Variants in MIS18A observed in about 807,000 individuals in gnomAD.
MIS18A encodes protein Mis18-alpha.
MIS18A carries 14 observed loss-of-function variants against 25.0 expected under a neutral mutation model. The ratio of observed to expected loss-of-function variants is 0.56; its 90% CI spans 0.37 to 0.88. The LOEUF is 0.88. MIS18A is among the 40% of genes least tolerant of loss of function. The probability of loss-of-function intolerance (pLI) is 0.00; values close to 1 mark genes in which losing one functional copy is unlikely to be tolerated. For missense variants in MIS18A, 292 were observed against 290.8 expected (o/e 1.00, Z -0.03); for synonymous variants, 134 against 118.6 (o/e 1.13, Z -0.84).
the MIS18A span, among the ~76,000 whole-genome samples, chr21:32,209,155 G>GAA: frequency 0.11 from 16,268 of 148,160 alleles, 988 homozygotes; most frequent in Middle Eastern, 0.18. Flanking sequence ...AATAAATTCT[G>GAA]AAAAAAAAAA....
the MIS18A span, among the ~76,000 whole-genome samples, chr21:32,246,369 G>C: frequency 3.9e-5 from 6 of 152,042 alleles, no homozygotes; most frequent in Admixed American, 3.9e-4. Context: ...CCTTCGGTAC[G>C]CCCCTTCTTC....
the MIS18A span, among the ~76,000 whole-genome samples, chr21:32,232,931 A>G: frequency 6.6e-6 from 1 of 152,218 alleles, no homozygotes; most frequent in African/African-American, 2.4e-5. Flanking sequence ...TAGAGTGAGC[A>G]GAGATGGAGA....
At chr21:32,237,709 AT>A in the MIS18A span, among the ~76,000 whole-genome samples, 1 of 152,196 alleles carries the variant, frequency 6.6e-6, no homozygotes, top group Non-Finnish European at 1.5e-5. Context: ...TGAGTTTAGC[AT>A]TTTACAAATT....
chr21:32,195,121 G>A, the MIS18A span, among the ~76,000 whole-genome samples: 132 of 152,186 alleles, frequency 8.7e-4, no homozygotes, highest in African/African-American at 3.0e-3. Context: ...CCAATTCTAC[G>A]AAAAGACAGT....
intron 1 of MIS18A, chr21:32,278,478 G>A: frequency 1.7e-6 from 1 of 580,746 alleles, no homozygotes; most frequent in Non-Finnish European, 3.0e-6. Flanking sequence ...GGGGACCCCA[G>A]AAAAGAACCC....
At chr21:32,201,825 A>G in the MIS18A span, among the ~76,000 whole-genome samples, 1 of 152,104 alleles carries the variant, frequency 6.6e-6, no homozygotes, top group African/African-American at 2.4e-5. Flanking sequence ...AAATAAATAA[A>G]TAAAATTTAA....
intron 2 of MIS18A, among the ~76,000 whole-genome samples, chr21:32,274,197 CTTTTTTTTTTTTTT>C (rs1184186125): frequency 1.4e-5 from 1 of 72,768 alleles, no homozygotes; most frequent in African/African-American, 6.1e-5. Context: ...TCCTTTTCTT[CTTTTTTTTTTTTTT>C]TTTTTTTTTT....
At chr21:32,202,436 AG>A in the MIS18A span, among the ~76,000 whole-genome samples, 3 of 152,258 alleles carry the variant, frequency 2.0e-5, no homozygotes, top group Non-Finnish European at 4.4e-5. Flanking sequence ...TAAAACAATT[AG>A]AAAATAGCAA....
chr21:32,221,210 A>T, the MIS18A span, among the ~76,000 whole-genome samples: 2 of 152,016 alleles, frequency 1.3e-5, no homozygotes, highest in Admixed American at 1.3e-4. Context: ...TGAGGAAAAA[A>T]TGTTAAGGGC....
the MIS18A span, among the ~76,000 whole-genome samples, chr21:32,167,673 T>C: frequency 1.3e-5 from 2 of 152,274 alleles, no homozygotes; most frequent in South Asian, 4.1e-4. Context: ...TAACAATATA[T>C]GCAGAAATAA....
the MIS18A span, among the ~76,000 whole-genome samples, chr21:32,245,802 C>T: frequency 6.6e-6 from 1 of 152,212 alleles, no homozygotes; most frequent in African/African-American, 2.4e-5. Context: ...GACATCCATT[C>T]ACCTGACACT....
chr21:32,204,206 A>G, the MIS18A span, among the ~76,000 whole-genome samples: 6 of 152,124 alleles, frequency 3.9e-5, no homozygotes, highest in Non-Finnish European at 8.8e-5. Context: ...GAAGCAAATG[A>G]AAAAAAGGAA....
downstream of MIS18A, among the ~76,000 whole-genome samples, chr21:32,264,148 A>G (rs1047058336): frequency 6.6e-6 from 1 of 152,228 alleles, no homozygotes; most frequent in African/African-American, 2.4e-5. Context: ...ATTCGATTAT[A>G]TAGAAATATT....
At chr21:32,214,528 T>C in the MIS18A span, among the ~76,000 whole-genome samples, 1 of 152,198 alleles carries the variant, frequency 6.6e-6, no homozygotes, top group Non-Finnish European at 1.5e-5. Context: ...TTAAAAGCTT[T>C]TTGTCTTCTT....
At chr21:32,178,798 C>T in the MIS18A span, among the ~76,000 whole-genome samples, 19 of 152,266 alleles carry the variant, frequency 1.2e-4, no homozygotes, top group Middle Eastern at 6.8e-3. Flanking sequence ...ATTGCCTCTC[C>T]GCCATTCTGT....
the MIS18A span, among the ~76,000 whole-genome samples, chr21:32,255,211 G>A: frequency 0.013 from 1,901 of 151,814 alleles, 38 homozygotes; most frequent in Non-Finnish European, 0.019. Context: ...ATTTTTCTAC[G>A]GTAAAAATAC....
chr21:32,244,408 C>T, the MIS18A span, among the ~76,000 whole-genome samples: 1 of 152,052 alleles, frequency 6.6e-6, no homozygotes, highest in South Asian at 2.1e-4. Context: ...TAATTTGATC[C>T]TTTGTAAAAT....
the MIS18A span, among the ~76,000 whole-genome samples, chr21:32,155,691 T>A: frequency 6.6e-6 from 1 of 152,190 alleles, no homozygotes; most frequent in Non-Finnish European, 1.5e-5. Context: ...AGGGTTGAAA[T>A]GTAGTATTAA....
the MIS18A span, among the ~76,000 whole-genome samples, chr21:32,220,510 T>G: frequency 6.6e-6 from 1 of 151,920 alleles, no homozygotes; most frequent in African/African-American, 2.4e-5. Context: ...GATAAATCCA[T>G]GAAGATGAGG....
Sources: allele counts gnomAD v4.1 joint callset (sites outside exome capture counted in the v4.1 genomes callset), GRCh38; gene constraint gnomAD v4.1.1; transcripts MANE v1.5; gene names NCBI Gene and HGNC (gene_info 2026-07-23, HGNC 2026-07-21).